RIMS2: variants seen among roughly 807,000 people sequenced by gnomAD.
RIMS2 encodes regulating synaptic membrane exocytosis protein 2.
In RIMS2, 59 loss-of-function variants were observed where a neutral mutation model predicts 174.4. The ratio of observed to expected loss-of-function variants is 0.34; its 90% confidence interval spans 0.27 to 0.42. The LOEUF (loss-of-function observed/expected upper bound fraction) is 0.42, where lower values mean the gene tolerates loss of function less well. Among genes scored for constraint, RIMS2 ranks in the 10% least tolerant of loss-of-function variants. The pLI is 1.00. For missense variants in RIMS2, 1,620 were observed against 1,666.3 expected, an observed-to-expected ratio of 0.97 and a Z score of 0.48; for synonymous variants, 606 against 572.5, an observed-to-expected ratio of 1.06 and a Z score of -0.84.
intron 2 of RIMS2, among the ~76,000 whole-genome samples, chr8:103,711,521 G>A (rs1184549706): frequency 6.6e-6 from 1 of 152,134 alleles, no homozygotes; most frequent in Non-Finnish European, 1.5e-5. Context: ...AGTGTGGAGT[G>A]GTTTGCCAAA....
chr8:103,768,271 C>G, intron 3 of RIMS2: 2 of 568,874 alleles, frequency 3.5e-6, no homozygotes, highest in Non-Finnish European at 6.4e-6. Context: ...AGGCATTCAC[C>G]TGCTTCAAGA....
intron 4 of RIMS2, among the ~76,000 whole-genome samples, chr8:103,897,013 A>G (rs1449729122): frequency 6.6e-6 from 1 of 151,686 alleles, no homozygotes; most frequent in Admixed American, 6.6e-5. Context: ...TTCAAGGACC[A>G]TCCAAAGAGC....
At chr8:103,545,389 A>G (rs1337278171) in intron 1 of RIMS2, among the ~76,000 whole-genome samples, 7 of 152,232 alleles carry the variant, frequency 4.6e-5, no homozygotes, top group African/African-American at 1.7e-4. Context: ...TAGAGACCAA[A>G]TCTACAACTC....
intron 19 of RIMS2, among the ~76,000 whole-genome samples, chr8:104,150,616 A>G (rs1391603028): frequency 6.6e-6 from 1 of 152,186 alleles, no homozygotes; most frequent in Non-Finnish European, 1.5e-5. Context: ...GGTGTTCTAG[A>G]TAGAAACCGT....
intron 19 of RIMS2, among the ~76,000 whole-genome samples, chr8:104,156,548 C>T (rs1457455641): frequency 6.6e-6 from 1 of 152,084 alleles, no homozygotes; most frequent in Non-Finnish European, 1.5e-5. Context: ...GAGCATAAGT[C>T]TTATTTTATT....
chr8:103,910,511 G>T, intron 5 of RIMS2: 1 of 1,593,662 alleles, frequency 6.3e-7, no homozygotes, highest in Non-Finnish European at 8.5e-7. Flanking sequence ...TTAACGAGGA[G>T]CATAGCCATA....
At chr8:103,582,578 G>A (rs114865108) in intron 1 of RIMS2, among the ~76,000 whole-genome samples, 4,711 of 152,238 alleles carry the variant, frequency 0.031, 220 homozygotes, top group African/African-American at 0.1. Context: ...GTGAGTCCCA[G>A]GCCAGGCAGC....
At chr8:104,077,774 T>C (rs62510988) in intron 19 of RIMS2, among the ~76,000 whole-genome samples, 38,231 of 149,482 alleles carry the variant, frequency 0.26, 5,295 homozygotes, top group South Asian at 0.38. Context: ...CAACTGTTCA[T>C]TTATTCCTTG....
chr8:103,806,391 G>A (rs975953804), intron 3 of RIMS2, among the ~76,000 whole-genome samples: 3 of 152,054 alleles, frequency 2.0e-5, no homozygotes. Flanking sequence ...TCCATAAGAA[G>A]TTGCTGAATG....
At chr8:104,104,974 G>A (rs1165526010) in intron 19 of RIMS2, among the ~76,000 whole-genome samples, 8 of 152,112 alleles carry the variant, frequency 5.3e-5, no homozygotes, top group African/African-American at 1.9e-4. Context: ...ACACAGCATT[G>A]GAGTGAATAG....
At chr8:103,871,724 T>C (rs559840895) in intron 3 of RIMS2, among the ~76,000 whole-genome samples, 1 of 152,310 alleles carries the variant, frequency 6.6e-6, no homozygotes, top group East Asian at 1.9e-4. Context: ...AGGGGTAGAA[T>C]GACATATTCA....
chr8:104,198,142 T>C (rs2099035252), intron 19 of RIMS2, among the ~76,000 whole-genome samples: 1 of 152,118 alleles, frequency 6.6e-6, no homozygotes, highest in East Asian at 1.9e-4. Context: ...GTACAAAGGA[T>C]GCGGTTCGCC....
intron 1 of RIMS2, among the ~76,000 whole-genome samples, chr8:103,630,356 TATCCTTCA>T (rs1440976058): frequency 6.6e-6 from 1 of 151,900 alleles, no homozygotes; most frequent in Non-Finnish European, 1.5e-5. Flanking sequence ...CTAGCAAAAA[TATCCTTCA>T]AGAGTTAAGG....
chr8:103,766,830 G>T (rs77048191), intron 3 of RIMS2, among the ~76,000 whole-genome samples: 18,893 of 152,120 alleles, frequency 0.12, 1,274 homozygotes, highest in Middle Eastern at 0.23. Context: ...GACTAGCATT[G>T]GACTAATGGG....
chr8:104,048,406 G>A (rs2154558478), intron 19 of RIMS2, among the ~76,000 whole-genome samples: 1 of 152,202 alleles, frequency 6.6e-6, no homozygotes, highest in African/African-American at 2.4e-5. Context: ...ACACCATGGT[G>A]ATGCCTGTAT....
At chr8:104,042,692 G>A (rs928894160) in intron 19 of RIMS2, among the ~76,000 whole-genome samples, 1 of 151,586 alleles carries the variant, frequency 6.6e-6, no homozygotes, top group Admixed American at 6.6e-5. Flanking sequence ...AAGTTTCAGG[G>A]GAAAGATAGA....
chr8:103,769,578 G>A (rs894955660), intron 3 of RIMS2, among the ~76,000 whole-genome samples: 21 of 152,112 alleles, frequency 1.4e-4, no homozygotes, highest in South Asian at 2.1e-4. Context: ...CACCCACCTC[G>A]GCCTCCCAAA....
At chr8:104,196,954 A>G (rs954432064) in intron 19 of RIMS2, among the ~76,000 whole-genome samples, 3 of 152,188 alleles carry the variant, frequency 2.0e-5, no homozygotes, top group Non-Finnish European at 4.4e-5. Context: ...TGAAAATTTC[A>G]TGAGATATTA....
chr8:103,997,184 A>G (rs1226400298), intron 17 of RIMS2, among the ~76,000 whole-genome samples: 4 of 151,856 alleles, frequency 2.6e-5, no homozygotes, highest in Admixed American at 2.6e-4. Context: ...TGTTGAAAAG[A>G]AAATGAGCGA....
Sources: gnomAD v4.1 joint callset for allele counts (sites outside exome capture counted in the v4.1 genomes callset) on GRCh38, gnomAD v4.1.1 for gene constraint, MANE v1.5 for transcripts, NCBI Gene and HGNC (gene_info 2026-07-23, HGNC 2026-07-21) for gene names.